The following SLC38A6 variants were observed in gnomAD, a reference collection of about 807,000 sequenced individuals.
SLC38A6 encodes the protein N system amino acid transporter NAT-1.
SLC38A6 carries 73 observed loss-of-function variants against 65.0 expected under a neutral mutation model. The ratio of observed to expected loss-of-function variants is 1.12; its 90% CI spans 0.93 to 1.37. The LOEUF is 1.37. Ranked by LOEUF, SLC38A6 falls within the 40% of genes most tolerant of loss-of-function variation. The pLI, the probability that SLC38A6 is intolerant of heterozygous loss-of-function variation, is 0.00. For synonymous variants in SLC38A6, 183 were observed against 178.8 expected (o/e 1.02, Z -0.19); for missense variants, 561 against 531.1 (o/e 1.06, Z -0.55).
intron 16 of SLC38A6, among the ~76,000 whole-genome samples, chr14:61,081,842 A>C (rs2043663980): frequency 6.6e-6 from 1 of 152,202 alleles, no homozygotes; most frequent in African/African-American, 2.4e-5. Context: ...TAATGTATCC[A>C]GTGTCAAACT....
intron 6 of SLC38A6, among the ~76,000 whole-genome samples, chr14:61,035,401 C>T (rs551595254): frequency 2.0e-5 from 3 of 152,152 alleles, no homozygotes; most frequent in East Asian, 1.9e-4. Context: ...CTTAAAGCCA[C>T]GTAACATTCC....
At chr14:61,063,658 G>T (rs866861598) in intron 15 of SLC38A6, among the ~76,000 whole-genome samples, 1 of 151,946 alleles carries the variant, frequency 6.6e-6, no homozygotes, top group African/African-American at 2.4e-5. Context: ...TTCTCACTTA[G>T]GAAATAAGCC....
intron 3 of SLC38A6, among the ~76,000 whole-genome samples, chr14:61,010,453 A>G (rs1272805538): frequency 6.6e-6 from 1 of 151,956 alleles, no homozygotes; most frequent in Non-Finnish European, 1.5e-5. Context: ...AGTCCTTAAC[A>G]GCCCATGCCT....
In SLC38A6 at chr14:61,046,070, T is replaced by C. The variant is rs778988119; in HGVS notation, c.828T>C (p.Pro276=). ...ILPIYCELQS[P]SKKRMQNVTN... ...CTTTGTCATTTTTGTCTTTTAGTCC[T>C]TCAAAGAAAAGAATGCAGAATGTTA... Residue 276 remains proline, a synonymous_variant, in exon 12 of 16, where the codon CCT becomes CCC. Coordinates refer to ENST00000267488, the MANE Select transcript of SLC38A6 (RefSeq NM_153811.3). 7 of 1,598,168 alleles carry C rather than the reference T, an allele frequency of 4.4e-6. No homozygotes were observed. The Admixed American group carries it at 1.2e-4, about 27-fold the overall frequency.
At chr14:60,999,149 C>G (rs1185142508) in intron 3 of SLC38A6, among the ~76,000 whole-genome samples, 1 of 152,266 alleles carries the variant, frequency 6.6e-6, no homozygotes, top group East Asian at 1.9e-4. Flanking sequence ...GTAGTTTTTG[C>G]TGAAGCAGTG....
chr14:60,995,981 A>T (rs1229346336), intron 3 of SLC38A6, among the ~76,000 whole-genome samples: 1 of 152,222 alleles, frequency 6.6e-6, no homozygotes, highest in Non-Finnish European at 1.5e-5. Context: ...CAAAACCCAT[A>T]GAATGTACAG....
At chr14:61,023,059 C>T (rs2040422723) in intron 5 of SLC38A6, among the ~76,000 whole-genome samples, 2 of 151,998 alleles carry the variant, frequency 1.3e-5, no homozygotes, top group South Asian at 4.2e-4. Context: ...GAGAAGAGCT[C>T]AATAAGTAGT....
At chr14:61,064,313 G>A (rs1319097776) in intron 15 of SLC38A6, among the ~76,000 whole-genome samples, 5 of 152,186 alleles carry the variant, frequency 3.3e-5, no homozygotes, top group Non-Finnish European at 5.9e-5. Context: ...TAGGTGTGCA[G>A]CTACTTAAAT....
downstream of SLC38A6, among the ~76,000 whole-genome samples, chr14:61,053,242 T>C (rs1273274043): frequency 1.3e-5 from 2 of 152,156 alleles, no homozygotes; most frequent in Non-Finnish European, 2.9e-5. Flanking sequence ...CCATGATATA[T>C]ATATACCATA....
intron 2 of SLC38A6, 91 bp from the exon 3 acceptor site, chr14:60,984,639 T>G (rs899735685): frequency 4.2e-6 from 4 of 963,684 alleles, no homozygotes; most frequent in South Asian, 1.3e-5. Flanking sequence ...CTGTGAATAT[T>G]TGACTGTTAA....
intron 3 of SLC38A6, among the ~76,000 whole-genome samples, chr14:61,000,182 T>C (rs1050391296): frequency 2.0e-5 from 3 of 152,248 alleles, no homozygotes; most frequent in Non-Finnish European, 4.4e-5. Context: ...AACCAATGTT[T>C]GTAGCATCTG....
chr14:60,987,022 T>G, intron 3 of SLC38A6: 1 of 266,318 alleles, frequency 3.8e-6, no homozygotes. Context: ...TCTGTTTCTC[T>G]TCTTTTTTCT....
At chr14:61,034,711 T>C (rs1263556125) in intron 6 of SLC38A6, among the ~76,000 whole-genome samples, 4 of 152,212 alleles carry the variant, frequency 2.6e-5, no homozygotes, top group African/African-American at 9.6e-5. Flanking sequence ...ATTATTGATA[T>C]GTGTACTCTT....
At chr14:60,997,611 A>G (rs931195197) in intron 3 of SLC38A6, among the ~76,000 whole-genome samples, 1 of 152,224 alleles carries the variant, frequency 6.6e-6, no homozygotes, top group Non-Finnish European at 1.5e-5. Flanking sequence ...GCTTGAGTAG[A>G]TTAGCAGTCA....
chr14:61,015,196 A>G (rs984478081), intron 3 of SLC38A6, among the ~76,000 whole-genome samples: 1 of 152,180 alleles, frequency 6.6e-6, no homozygotes, highest in African/African-American at 2.4e-5. Context: ...GCGGGATATA[A>G]TCTCCTGGTG....
At chr14:60,997,292 C>T (rs1257543761) in intron 3 of SLC38A6, among the ~76,000 whole-genome samples, 1 of 152,140 alleles carries the variant, frequency 6.6e-6, no homozygotes, top group East Asian at 1.9e-4. Context: ...GCTGGGACTA[C>T]AGGTGTGCAC....
chr14:61,062,750 G>A (rs977497303), intron 15 of SLC38A6, among the ~76,000 whole-genome samples: 21 of 151,976 alleles, frequency 1.4e-4, no homozygotes, highest in African/African-American at 3.9e-4. Flanking sequence ...GTATAATCTC[G>A]GCTCACTGCA....
intron 3 of SLC38A6, among the ~76,000 whole-genome samples, chr14:60,993,214 C>CA (rs1222345839): frequency 6.6e-6 from 1 of 152,102 alleles, no homozygotes; most frequent in East Asian, 1.9e-4. Context: ...ATTATTCTCA[C>CA]AATAGCAATG....
chr14:61,075,242 A>G (rs999186606), intron 15 of SLC38A6, among the ~76,000 whole-genome samples: 1 of 152,204 alleles, frequency 6.6e-6, no homozygotes, highest in East Asian at 1.9e-4. Flanking sequence ...CCTGAAACTA[A>G]TAAAGTCAGT....
Sources: gnomAD v4.1 joint callset for allele counts (sites outside exome capture counted in the v4.1 genomes callset) on GRCh38, gnomAD v4.1.1 for gene constraint, MANE v1.5 for transcripts, NCBI Gene and HGNC (gene_info 2026-07-23, HGNC 2026-07-21) for gene names.